The following PDZD2 variants were observed in gnomAD, a reference collection of about 807,000 sequenced individuals.
The protein encoded by PDZD2 is PDZ domain containing 2.
PDZD2 carries 90 observed loss-of-function variants against 220.7 expected under a neutral mutation model. The ratio of observed to expected loss-of-function variants is 0.41; its 90% CI spans 0.34 to 0.49. The LOEUF (loss-of-function observed/expected upper bound fraction) is 0.49. Ranked by LOEUF, PDZD2 falls within the 20% of genes least tolerant of loss-of-function variation. The probability of loss-of-function intolerance (pLI) is 0.28; values close to 1 mark genes in which losing one functional copy is unlikely to be tolerated. For missense variants in PDZD2, 3,174 were observed against 3,608.5 expected (o/e 0.88, Z 3.08); for synonymous variants, 1,375 against 1,450.5 (o/e 0.95, Z 1.18).
intron 1 of PDZD2, among the ~76,000 whole-genome samples, chr5:31,713,684 A>G (rs963610309): frequency 3.3e-5 from 5 of 152,170 alleles, no homozygotes; most frequent in Non-Finnish European, 7.3e-5. Flanking sequence ...AGTAGCTGGG[A>G]CTACAGGCGT....
chr5:31,761,177 A>G (rs575270035), intron 1 of PDZD2, among the ~76,000 whole-genome samples: 2 of 152,296 alleles, frequency 1.3e-5, no homozygotes, highest in South Asian at 4.1e-4. Context: ...GCGATGTTGT[A>G]GGTTCTTCAT....
At chr5:31,966,352 TAAAC>T (rs1342692127) in intron 2 of PDZD2, among the ~76,000 whole-genome samples, 1 of 152,228 alleles carries the variant, frequency 6.6e-6, no homozygotes, top group Non-Finnish European at 1.5e-5. Context: ...ACTCCTAAAA[TAAAC>T]ATACCATTAA....
chr5:31,827,897 C>T (rs368566825), intron 2 of PDZD2, among the ~76,000 whole-genome samples: 13 of 152,138 alleles, frequency 8.5e-5, no homozygotes, highest in East Asian at 7.7e-4. Flanking sequence ...CTCCATACTC[C>T]GCTTCTCCAA....
At chr5:31,771,539 C>A (rs1006181779) in intron 1 of PDZD2, among the ~76,000 whole-genome samples, 1 of 152,126 alleles carries the variant, frequency 6.6e-6, no homozygotes, top group African/African-American at 2.4e-5. Flanking sequence ...TGAGGTCTGG[C>A]AGGTCTGCTG....
At chr5:31,791,609 A>G (rs1666736845) in intron 1 of PDZD2, among the ~76,000 whole-genome samples, 1 of 149,422 alleles carries the variant, frequency 6.7e-6, no homozygotes, top group Non-Finnish European at 1.5e-5. Flanking sequence ...AAAAAAAAAA[A>G]AAAAAGGTTA....
intron 1 of PDZD2, among the ~76,000 whole-genome samples, chr5:31,755,246 C>A (rs1751241144): frequency 6.6e-6 from 1 of 152,074 alleles, no homozygotes; most frequent in South Asian, 2.1e-4. Flanking sequence ...TTGCTTCGAC[C>A]CCTGTTTCTG....
intron 2 of PDZD2, among the ~76,000 whole-genome samples, chr5:31,853,175 T>C (rs533865716): frequency 6.6e-6 from 1 of 152,134 alleles, no homozygotes; most frequent in African/African-American, 2.4e-5. Context: ...CCTTATAATA[T>C]GTGTAAGCCA....
intron 1 of PDZD2, among the ~76,000 whole-genome samples, chr5:31,797,809 G>A (rs757029236): frequency 6.6e-5 from 10 of 152,176 alleles, no homozygotes; most frequent in Non-Finnish European, 1.0e-4. Flanking sequence ...CATGGCTTCT[G>A]ACACCTCTCC....
intron 2 of PDZD2, among the ~76,000 whole-genome samples, chr5:31,909,767 A>G (rs1019915120): frequency 6.6e-6 from 1 of 152,200 alleles, no homozygotes; most frequent in African/African-American, 2.4e-5. Context: ...CCACTCATAT[A>G]GTTTATGAAG....
intron 1 of PDZD2, among the ~76,000 whole-genome samples, chr5:31,774,457 T>G (rs576168965): frequency 4.4e-4 from 67 of 152,278 alleles, no homozygotes; most frequent in African/African-American, 1.5e-3. Context: ...CTCATACCTG[T>G]AATCACAGCA....
chr5:31,930,823 A>C (rs1472854348), intron 2 of PDZD2, among the ~76,000 whole-genome samples: 2 of 152,116 alleles, frequency 1.3e-5, no homozygotes, highest in African/African-American at 2.4e-5. Context: ...TAATCCCAGT[A>C]CTTTGGGAGG....
At chr5:31,795,498 G>A (rs1753972506) in intron 1 of PDZD2, among the ~76,000 whole-genome samples, 1 of 152,200 alleles carries the variant, frequency 6.6e-6, no homozygotes, top group Non-Finnish European at 1.5e-5. Context: ...AATGGACTGG[G>A]CTGTTGCAGT....
chr5:31,643,847 A>G (rs1228448770), intron 1 of PDZD2, among the ~76,000 whole-genome samples: 2 of 151,330 alleles, frequency 1.3e-5, no homozygotes, highest in Non-Finnish European at 2.9e-5. Flanking sequence ...TTTTTGAGAC[A>G]GGGTCTCACT....
In PDZD2 at chr5:32,089,339, T is replaced by G. The variant is rs1742846802; in HGVS notation, c.5891T>G (p.Leu1964Arg). 6.2e-7 allele frequency: 1 copy of G among 1,614,142 alleles called. No individual in the cohort carries two copies. Among genetic ancestry groups the G allele is most frequent in the Non-Finnish European group, 8.5e-7 (1 of 1,180,024 alleles). The change falls in exon 20 of 25, where the codon CTT becomes CGT. Residue 1964 changes from leucine (L) to arginine (R), a missense_variant. Physicochemically the swap from Leu to Arg is moderately radical, Grantham distance 102. Around this residue, in one of 4 missense-constraint regions of PDZD2, gnomAD observed 1,861 missense variants for 2,001.0 expected, o/e 0.93. Transcript: ENST00000438447. ...TGTGTGCTGGAAAGCAAGCCACCTCTTGCCACCTCTGGGCCACTGAAACCC... is the reference window on the plus strand; with the variant it reads ...TGTGTGCTGGAAAGCAAGCCACCTCGTGCCACCTCTGGGCCACTGAAACCC... Reference protein sequence around the residue: ...PQCVLESKPPLATSGPLKPSV... With the variant: ...PQCVLESKPPRATSGPLKPSV...
At chr5:32,079,280 CAA>C (rs1321874066) in intron 19 of PDZD2, among the ~76,000 whole-genome samples, 2 of 121,378 alleles carry the variant, frequency 1.6e-5, no homozygotes, top group African/African-American at 3.4e-5. Context: ...AAAAAAAAAA[CAA>C]AAAAAAAAAA....
intron 1 of PDZD2, among the ~76,000 whole-genome samples, chr5:31,775,495 T>C (rs1041356685): frequency 2.0e-5 from 3 of 152,176 alleles, no homozygotes; most frequent in African/African-American, 7.2e-5. Flanking sequence ...CTCATTTCCC[T>C]TGGCCTTTCT....
intron 10 of PDZD2, 72 bp downstream of exon 10, chr5:32,053,955 G>GC: frequency 1.2e-6 from 1 of 866,888 alleles, no homozygotes; most frequent in East Asian, 2.4e-5. Flanking sequence ...TTCACAAGAT[G>GC]TGAGTGAATG....
In PDZD2 at chr5:32,000,924, C is replaced by T. The variant is rs1471999669; in HGVS notation, c.1254+653C>T. ...GGGCTGCGCAGCAGTAGGTGAGTGG[C>T]CTGTGAGACAGCGTTACCTCCTGAG... On this transcript the variant is annotated intron_variant, in intron 5 of 24. Transcript: ENST00000438447. The surrounding 1 kb of genome is among the most constrained non-coding windows in gnomAD (Gnocchi z 4.5). Among the ~76,000 whole-genome samples the T allele has an allele frequency of 6.6e-6, 1 of 152,212 alleles. No homozygotes were observed. The highest frequency in any genetic ancestry group is 1.5e-5 in the Non-Finnish European group (1 of 68,040).
At chr5:31,922,184 T>G (rs1351019541) in intron 2 of PDZD2, among the ~76,000 whole-genome samples, 2 of 152,234 alleles carry the variant, frequency 1.3e-5, no homozygotes, top group Non-Finnish European at 2.9e-5. Flanking sequence ...TCCTTGCCAA[T>G]GTTTCGGAAA....
Sources: allele counts gnomAD v4.1 joint callset (sites outside exome capture counted in the v4.1 genomes callset), GRCh38; gene constraint gnomAD v4.1.1; regional missense constraint gnomAD v4.1.1; non-coding constraint Gnocchi (gnomAD v3.1); transcripts MANE v1.5; gene names NCBI Gene and HGNC (gene_info 2026-07-23, HGNC 2026-07-21).